LRBA: variants seen among roughly 807,000 people sequenced by gnomAD.
The protein encoded by LRBA is LPS responsive beige-like anchor protein, also known as lipopolysaccharide-responsive and beige-like anchor protein.
In LRBA, 176 loss-of-function variants were observed where a neutral mutation model predicts 330.0. The observed-to-expected ratio is 0.53, with a 90% CI of 0.47 to 0.60. The LOEUF is 0.60. Among genes scored for constraint, LRBA ranks in the 20% least tolerant of loss-of-function variants. The pLI, the probability that LRBA is intolerant of heterozygous loss-of-function variation, is 0.00. For synonymous variants in LRBA, 1,230 were observed against 1,193.0 expected, an observed-to-expected ratio of 1.03 and a Z score of -0.64; for missense variants, 3,259 against 3,444.8, an observed-to-expected ratio of 0.95 and a Z score of 1.35.
intron 13 of LRBA, among the ~76,000 whole-genome samples, chr4:150,902,386 T>C (rs193166380): frequency 2.6e-5 from 4 of 152,268 alleles, no homozygotes; most frequent in Admixed American, 2.6e-4. Flanking sequence ...TTAATACTGA[T>C]GCCTGAGTCC....
At chr4:150,803,393 G>A (rs1049491887) in intron 33 of LRBA, among the ~76,000 whole-genome samples, 1 of 151,930 alleles carries the variant, frequency 6.6e-6, no homozygotes, top group Non-Finnish European at 1.5e-5. Context: ...AATGAATATG[G>A]TTTGGATAGC....
chr4:150,597,072 T>G, intron 38 of LRBA: 1 of 1,334,416 alleles, frequency 7.5e-7, no homozygotes, highest in South Asian at 1.3e-5. Context: ...AAAATATTAC[T>G]CAATGCTTAC....
At chr4:150,324,606 G>GGA (rs199669795) in intron 49 of LRBA, among the ~76,000 whole-genome samples, 8,205 of 143,318 alleles carry the variant, frequency 0.057, 544 homozygotes, top group African/African-American at 0.17. Context: ...GAAGAGAAAG[G>GGA]AAAAAAAAAA....
intron 8 of LRBA, among the ~76,000 whole-genome samples, chr4:150,914,893 T>C (rs1480538197): frequency 6.6e-6 from 1 of 152,112 alleles, no homozygotes; most frequent in Non-Finnish European, 1.5e-5. Flanking sequence ...ATGACAACTT[T>C]CTGAGGTATG....
chr4:150,761,697 T>A, intron 35 of LRBA, 86 bp downstream of exon 35: 1 of 768,372 alleles, frequency 1.3e-6, no homozygotes, highest in Non-Finnish European at 2.1e-6. Flanking sequence ...AAACAGTAAA[T>A]ACAGAACCCA....
intron 46 of LRBA, chr4:150,423,136 C>T: frequency 1.0e-6 from 1 of 986,636 alleles, no homozygotes; most frequent in Admixed American, 1.7e-5. Flanking sequence ...GCTACCACCA[C>T]CAAAGTACAG....
At chr4:150,654,988 G>A (rs562082069) in intron 37 of LRBA, among the ~76,000 whole-genome samples, 9 of 152,144 alleles carry the variant, frequency 5.9e-5, no homozygotes, top group African/African-American at 9.6e-5. Flanking sequence ...ATTGTGAATA[G>A]TGCCGCAATA....
At chr4:150,438,170 T>C (rs10021676) in intron 44 of LRBA, among the ~76,000 whole-genome samples, 8,817 of 152,230 alleles carry the variant, frequency 0.058, 404 homozygotes, top group East Asian at 0.18. Flanking sequence ...AGACATGATA[T>C]ATAAGATTAC....
chr4:150,797,306 G>A (rs1167075380), intron 34 of LRBA, among the ~76,000 whole-genome samples: 1 of 151,676 alleles, frequency 6.6e-6, no homozygotes, highest in African/African-American at 2.4e-5. Flanking sequence ...GTTTTGAAAT[G>A]GGTCAAAACC....
At chr4:150,330,213 C>G (rs543611572) in intron 48 of LRBA, among the ~76,000 whole-genome samples, 2 of 152,140 alleles carry the variant, frequency 1.3e-5, no homozygotes, top group Non-Finnish European at 2.9e-5. Context: ...TAAGCCATCT[C>G]TGCCTTACAT....
intron 34 of LRBA, among the ~76,000 whole-genome samples, chr4:150,770,743 G>C (rs937863907): frequency 2.0e-5 from 3 of 152,096 alleles, no homozygotes; most frequent in African/African-American, 7.2e-5. Context: ...TTTGTCTTCA[G>C]CAAGCACCTC....
intron 48 of LRBA, 79 bp downstream of exon 48, chr4:150,349,913 G>C: frequency 8.1e-7 from 1 of 1,229,524 alleles, no homozygotes; most frequent in Non-Finnish European, 1.2e-6. Flanking sequence ...AAAATCAAAG[G>C]ATGGGGGAGG....
chr4:150,992,402 C>T (rs1370231720), intron 2 of LRBA, among the ~76,000 whole-genome samples: 2 of 151,260 alleles, frequency 1.3e-5, no homozygotes, highest in Non-Finnish European at 2.9e-5. Flanking sequence ...AGAAAAAACA[C>T]AGAGGTATGT....
chr4:150,647,377 A>G (rs1185619771), intron 37 of LRBA, among the ~76,000 whole-genome samples: 2 of 9,086 alleles, frequency 2.2e-4, no homozygotes, highest in African/African-American at 3.6e-4. Context: ...TTTTTTTTTG[A>G]GACAGGGTCT....
At chr4:150,448,246 G>A (rs1037507364) in intron 44 of LRBA, among the ~76,000 whole-genome samples, 10 of 152,172 alleles carry the variant, frequency 6.6e-5, no homozygotes, top group South Asian at 2.1e-4. Context: ...AGACAAAGTC[G>A]TGGCAATTTC....
At position 150,879,066 on chromosome 4, in the gene LRBA, G is replaced by A. The variant is rs149830617; in HGVS notation, c.2166-6311C>T. 1.4e-3 allele frequency among the ~76,000 whole-genome samples: 218 copies of A among 151,892 alleles called. 3 individuals are homozygous for A. Among genetic ancestry groups the A allele is most frequent in the African/African-American group, 4.9e-3 (205 of 41,452 alleles). On this transcript the variant is annotated intron_variant, in intron 17 of 56. Transcript: ENST00000651943. The stretch of plus-strand genomic sequence containing the variant: ...TACCAAAACCCAGCAGAGACACAAC[G>A]AAAAAGAAAACTACAGGCCAATATC...
At chr4:150,478,074 C>T (rs988486613) in intron 42 of LRBA, among the ~76,000 whole-genome samples, 6 of 152,078 alleles carry the variant, frequency 3.9e-5, no homozygotes, top group East Asian at 3.9e-4. Context: ...CTTACCTAAC[C>T]TTTACATGTT....
At chr4:150,679,965 T>C (rs1019455384) in intron 37 of LRBA, among the ~76,000 whole-genome samples, 7 of 152,148 alleles carry the variant, frequency 4.6e-5, no homozygotes, top group Non-Finnish European at 8.8e-5. Flanking sequence ...GAGACTTCCA[T>C]CCAGTATTCT....
At chr4:150,976,780 G>C (rs1231073913) in intron 2 of LRBA, among the ~76,000 whole-genome samples, 1 of 152,220 alleles carries the variant, frequency 6.6e-6, no homozygotes, top group Non-Finnish European at 1.5e-5. Flanking sequence ...AAGCAGCTGT[G>C]TGTCATGGAG....
Sources: gnomAD v4.1 joint callset for allele counts (sites outside exome capture counted in the v4.1 genomes callset) on GRCh38, gnomAD v4.1.1 for gene constraint, MANE v1.5 for transcripts, NCBI Gene and HGNC (gene_info 2026-07-23, HGNC 2026-07-21) for gene names.